CCDC7: variants seen among roughly 807,000 people sequenced by gnomAD.
CCDC7 encodes the protein coiled-coil domain containing 7, also known as coiled-coil domain-containing protein 7.
In CCDC7, 183 loss-of-function variants were observed where a neutral mutation model predicts 196.9. The ratio of observed to expected loss-of-function variants is 0.93; its 90% CI spans 0.82 to 1.05. The LOEUF is 1.05. CCDC7 is among the 50% of genes least tolerant of loss of function. The probability of loss-of-function intolerance (pLI) is 0.00; values close to 1 mark genes in which losing one functional copy is unlikely to be tolerated. For missense variants in CCDC7, 1,540 were observed against 1,482.2 expected (o/e 1.04, Z -0.64); for synonymous variants, 525 against 484.6 (o/e 1.08, Z -1.10).
chr10:32,476,638 A>G (rs58344332), intron 8 of CCDC7, among the ~76,000 whole-genome samples: 7,872 of 152,330 alleles, frequency 0.052, 670 homozygotes, highest in African/African-American at 0.18. Flanking sequence ...ACTGCCAAAT[A>G]AGCGTGCAAA....
Position 32,686,099 on chromosome 10 carries a change from C to A in CCDC7, c.2233+19C>A. On this transcript the variant is annotated intron_variant, in intron 22 of 41. Coordinates refer to ENST00000639629, the Ensembl canonical transcript of CCDC7. ...CTCACCAGTAAGTATAAAAATTACA[C>A]ATAACTTTACATTATTTTAAATTAG... 2 of 1,132,802 alleles carry A rather than the reference C, an allele frequency of 1.8e-6. No homozygotes were observed. The highest frequency in any genetic ancestry group is 2.6e-6 in the Non-Finnish European group (2 of 780,056). The allele number at this position is 1,132,802 out of a possible 1,614,324, so 70.2% of individuals were successfully genotyped here. A position where few individuals can be genotyped will look rare whatever the true frequency, so the allele number is the denominator to read the frequency against.
intron 29 of CCDC7, among the ~76,000 whole-genome samples, chr10:32,794,691 T>A (rs910597605): frequency 9.2e-5 from 14 of 152,248 alleles, no homozygotes; most frequent in Non-Finnish European, 1.9e-4. Flanking sequence ...ATGAGCAATT[T>A]TTCATATATA....
chr10:32,715,793 A>C (rs1382279107), intron 25 of CCDC7, among the ~76,000 whole-genome samples: 1 of 152,208 alleles, frequency 6.6e-6, no homozygotes, highest in Non-Finnish European at 1.5e-5. Context: ...AGTGGAAGAA[A>C]GGATATCCAA....
exon 20 of CCDC7, chr10:32,635,061 T>A (rs1178103067): frequency 1.5e-5 from 6 of 398,648 alleles, no homozygotes. Flanking sequence ...GTTCAGAGAC[T>A]CTTACAACCC....
chr10:32,835,010 T>C (rs1387193301), intron 33 of CCDC7, 112 bp downstream of exon 34: 5 of 494,522 alleles, frequency 1.0e-5, no homozygotes, highest in Non-Finnish European at 1.9e-5. Flanking sequence ...GAAAATATCT[T>C]CATGAATTTC....
intron 29 of CCDC7, among the ~76,000 whole-genome samples, chr10:32,798,234 A>T (rs2134913028): frequency 6.6e-6 from 1 of 152,182 alleles, no homozygotes; most frequent in East Asian, 1.9e-4. Context: ...TAGCTGGCTG[A>T]TCACCCCGAG....
At chr10:32,858,252 C>CA (rs1423761103) in intron 41 of CCDC7, among the ~76,000 whole-genome samples, 1 of 152,054 alleles carries the variant, frequency 6.6e-6, no homozygotes, top group Admixed American at 6.6e-5. Context: ...TAAACTCTTC[C>CA]AAAAAAATCG....
intron 18 of CCDC7, among the ~76,000 whole-genome samples, chr10:32,599,588 T>C (rs189828275): frequency 7.9e-5 from 12 of 152,304 alleles, no homozygotes; most frequent in African/African-American, 2.9e-4. Context: ...TGTATGTTTT[T>C]AGATTTTTTG....
chr10:32,581,563 C>G (rs1028880126), intron 16 of CCDC7, among the ~76,000 whole-genome samples: 15 of 152,102 alleles, frequency 9.9e-5, no homozygotes, highest in African/African-American at 3.6e-4. Context: ...GCACACCTTC[C>G]TAGTAGTTTT....
chr10:32,697,744 C>T (rs759888267), intron 24 of CCDC7, among the ~76,000 whole-genome samples: 13 of 152,208 alleles, frequency 8.5e-5, no homozygotes, highest in Non-Finnish European at 1.3e-4. Context: ...CCTCTGGGGG[C>T]AGGGCATAGC....
intron 28 of CCDC7, among the ~76,000 whole-genome samples, chr10:32,772,230 T>C (rs1456142077): frequency 6.6e-6 from 1 of 152,178 alleles, no homozygotes; most frequent in Non-Finnish European, 1.5e-5. Flanking sequence ...GCCTCTGCTA[T>C]GCAGAAGAGT....
At position 32,802,762 on chromosome 10, in the gene CCDC7, A is replaced by T. The variant is rs116961760; in HGVS notation, c.3014-2253A>T. ...GGAAAACTACTGGTGTAGGTCCAAG[A>T]GTCCAAAAGCTGAAGAACTTCGAGT... On this transcript the variant is annotated intron_variant, in intron 29 of 41. Coordinates refer to ENST00000639629, the Ensembl canonical transcript of CCDC7. Among the ~76,000 whole-genome samples the T allele has an allele frequency of 7.9e-3, 1,204 of 152,114 alleles. 7 individuals carry two copies. The highest frequency in any genetic ancestry group is 0.02 in the Middle Eastern group (6 of 294).
intron 24 of CCDC7, among the ~76,000 whole-genome samples, chr10:32,709,899 T>C (rs1280222963): frequency 7.3e-6 from 1 of 136,996 alleles, no homozygotes; most frequent in Non-Finnish European, 1.7e-5. Flanking sequence ...CATTGACTGC[T>C]CTCACTCTCA....
At chr10:32,703,737 C>A (rs2079173389) in intron 24 of CCDC7, among the ~76,000 whole-genome samples, 1 of 151,944 alleles carries the variant, frequency 6.6e-6, no homozygotes, top group Non-Finnish European at 1.5e-5. Context: ...TTTCTCTAAA[C>A]TTCTCTTCTC....
chr10:32,677,737 A>C (rs1010434311), intron 21 of CCDC7, among the ~76,000 whole-genome samples: 2 of 151,958 alleles, frequency 1.3e-5, no homozygotes, highest in African/African-American at 4.8e-5. Context: ...TGTATCTGGA[A>C]GTCCATTTTC....
chr10:32,834,982 C>A, intron 33 of CCDC7, 84 bp downstream of exon 34: 1 of 554,142 alleles, frequency 1.8e-6, no homozygotes. Context: ...ACAACTGTAG[C>A]TGTAAGTTAT....
intron 11 of CCDC7, among the ~76,000 whole-genome samples, chr10:32,532,538 AG>A (rs1343501065): frequency 6.6e-6 from 1 of 152,172 alleles, no homozygotes; most frequent in East Asian, 1.9e-4. Context: ...TGTAAATGCC[AG>A]ATAGGCCTAT....
intron 31 of CCDC7, among the ~76,000 whole-genome samples, chr10:32,820,609 A>G (rs1410014437): frequency 3.3e-5 from 5 of 152,226 alleles, no homozygotes; most frequent in Admixed American, 3.3e-4. Flanking sequence ...TACTGGTACC[A>G]AAACAGAGAT....
intron 23 of CCDC7, among the ~76,000 whole-genome samples, chr10:32,693,460 A>G (rs1419099127): frequency 6.6e-6 from 1 of 151,764 alleles, no homozygotes; most frequent in Non-Finnish European, 1.5e-5. Flanking sequence ...TCCCCTTCGT[A>G]GGTATTTTTT....
Sources: gnomAD v4.1 joint callset for allele counts (sites outside exome capture counted in the v4.1 genomes callset) on GRCh38, gnomAD v4.1.1 for gene constraint, MANE v1.5 for transcripts, NCBI Gene and HGNC (gene_info 2026-07-23, HGNC 2026-07-21) for gene names.